Variants in TTLL11 observed in about 807,000 individuals in gnomAD.
The protein encoded by TTLL11 is tubulin polyglutamylase TTLL11.
TTLL11 carries 42 observed loss-of-function variants against 51.7 expected under a neutral mutation model. The ratio of observed to expected loss-of-function variants is 0.81; its 90% CI spans 0.64 to 1.05. The LOEUF is 1.05. TTLL11 is among the 50% of genes least tolerant of loss of function. TTLL11 has a pLI of 0.00. For synonymous variants in TTLL11, 381 were observed against 383.5 expected, an observed-to-expected ratio of 0.99 and a Z score of 0.08; for missense variants, 799 against 940.4, an observed-to-expected ratio of 0.85 and a Z score of 1.97.
At chr9:122,047,358 T>C (rs572066964) in intron 1 of TTLL11, among the ~76,000 whole-genome samples, 15 of 152,242 alleles carry the variant, frequency 9.9e-5, no homozygotes, top group Admixed American at 7.2e-4. Flanking sequence ...AGAAAATAAA[T>C]GTGTAAAAGC....
chr9:121,977,407 G>C (rs1311818648), intron 4 of TTLL11, among the ~76,000 whole-genome samples: 1 of 152,144 alleles, frequency 6.6e-6, no homozygotes, highest in East Asian at 1.9e-4. Context: ...GCAATACCTA[G>C]GCCTATGCTC....
chr9:121,830,878 A>T (rs1350739372), intron 8 of TTLL11, among the ~76,000 whole-genome samples: 1 of 152,224 alleles, frequency 6.6e-6, no homozygotes, highest in Non-Finnish European at 1.5e-5. Context: ...TCCTGAAGTG[A>T]CATGTCACTG....
chr9:121,997,607 GTTC>G (rs1184246911), intron 3 of TTLL11, among the ~76,000 whole-genome samples: 65 of 152,294 alleles, frequency 4.3e-4, no homozygotes, highest in African/African-American at 1.5e-3. Flanking sequence ...GCAGACCTGG[GTTC>G]AGATCTCAGC....
intron 1 of TTLL11, among the ~76,000 whole-genome samples, chr9:122,053,962 A>T (rs771465537): frequency 3.3e-5 from 5 of 152,184 alleles, no homozygotes; most frequent in Non-Finnish European, 7.3e-5. Flanking sequence ...CCTCTAATAG[A>T]GCCAATAAAT....
Position 121,822,831 on chromosome 9 carries a change from C to T in TTLL11, c.1889G>A (p.Arg630Lys). ...ATGAAGTGGCAGCATCTTGAACTTC[C>T]TCTGAGCCAGGAAAAAGAAAGCTTC... ...FVEAFFFLAQ[R>K]KFKMLPLHEQ... Residue 630 changes from arginine (R) to lysine (K), a missense_variant, in exon 9 of 9, where the codon AGG becomes AAG. Arg to Lys is a conservative substitution (Grantham distance 26, BLOSUM62 2). Coordinates refer to ENST00000321582, the MANE Select transcript of TTLL11 (RefSeq NM_001139442.2). The surrounding 1 kb of genome is among the most constrained non-coding windows in gnomAD (Gnocchi z 5.8). 1.3e-6 allele frequency: 2 copies of T among 1,551,578 alleles called. No individual in the cohort carries two copies. Among genetic ancestry groups the T allele is most frequent in the African/African-American group, 2.7e-5 (2 of 73,162 alleles).
At chr9:121,865,960 A>G (rs1838161993) in intron 7 of TTLL11, among the ~76,000 whole-genome samples, 1 of 152,240 alleles carries the variant, frequency 6.6e-6, no homozygotes, top group Admixed American at 6.5e-5. Context: ...AGAGATGGAC[A>G]CTGGAAATAA....
intron 2 of TTLL11, among the ~76,000 whole-genome samples, chr9:122,036,758 A>G (rs1186257012): frequency 6.6e-6 from 1 of 152,180 alleles, no homozygotes; most frequent in African/African-American, 2.4e-5. Flanking sequence ...AATGAGATAT[A>G]TGAGAGACAG....
intron 2 of TTLL11, among the ~76,000 whole-genome samples, chr9:122,038,437 G>T (rs1229009099): frequency 6.6e-6 from 1 of 152,052 alleles, no homozygotes; most frequent in Non-Finnish European, 1.5e-5. Flanking sequence ...TTGAGGTCAG[G>T]AGTTCGAGAC....
chr9:122,080,935 T>A (rs1047619695), intron 1 of TTLL11, among the ~76,000 whole-genome samples: 7 of 152,164 alleles, frequency 4.6e-5, no homozygotes, highest in African/African-American at 1.7e-4. Flanking sequence ...TAAAATTGTA[T>A]CAGATTTGTA....
At chr9:122,006,087 C>A (rs1843633971) in intron 3 of TTLL11, among the ~76,000 whole-genome samples, 1 of 152,192 alleles carries the variant, frequency 6.6e-6, no homozygotes, top group Non-Finnish European at 1.5e-5. Context: ...CGCCTGTAAT[C>A]CCAGCACTTT....
At chr9:121,994,252 G>C (rs908448134) in intron 3 of TTLL11, among the ~76,000 whole-genome samples, 1 of 152,096 alleles carries the variant, frequency 6.6e-6, no homozygotes, top group African/African-American at 2.4e-5. Context: ...AGGCAGGAGC[G>C]GGCAGGACAC....
rs1374982958 is a variant in TTLL11, at chr9:121,821,483, T to C, written c.*1104A>G. Among the ~76,000 whole-genome samples, 2 of 152,176 alleles carry C rather than the reference T, an allele frequency of 1.3e-5. No homozygotes were observed. Among genetic ancestry groups the C allele is most frequent in the African/African-American group, 4.8e-5 (2 of 41,440 alleles). Reference sequence around the variant, plus strand: ...ATTAACCCCAAATCCAACCACACTCTGGAGAGCTTGGCTTTGCCAGGTCCT... The same window carrying C: ...ATTAACCCCAAATCCAACCACACTCCGGAGAGCTTGGCTTTGCCAGGTCCT... On this transcript the variant is annotated 3_prime_UTR_variant, in exon 9 of 9. Transcript: ENST00000321582. This position sits in a 1 kb window ranked among gnomAD's most constrained non-coding sequence, Gnocchi z 5.0.
intron 1 of TTLL11, among the ~76,000 whole-genome samples, chr9:122,049,469 T>C (rs1255262853): frequency 2.0e-5 from 3 of 152,142 alleles, no homozygotes; most frequent in South Asian, 4.1e-4. Flanking sequence ...GCACTACAGA[T>C]GTCTTTTTGG....
chr9:121,924,704 G>GAA (rs375808071), intron 6 of TTLL11, among the ~76,000 whole-genome samples: 190 of 134,624 alleles, frequency 1.4e-3, no homozygotes, highest in African/African-American at 4.8e-3. Context: ...AAAGAGGAAA[G>GAA]AAAAAAAAAA....
chr9:121,894,451 T>A (rs12335377), intron 6 of TTLL11, among the ~76,000 whole-genome samples: 56,317 of 152,042 alleles, frequency 0.37, 10,539 homozygotes, highest in East Asian at 0.51. Flanking sequence ...ACACCACATA[T>A]GTTTATTGCA....
intron 6 of TTLL11, among the ~76,000 whole-genome samples, chr9:121,972,921 G>C (rs1033594850): frequency 6.6e-6 from 1 of 152,228 alleles, no homozygotes; most frequent in Non-Finnish European, 1.5e-5. Context: ...ACTTGCTTGG[G>C]GAAGTCTGCA....
At chr9:121,957,100 C>T (rs542419067) in intron 6 of TTLL11, among the ~76,000 whole-genome samples, 3 of 152,324 alleles carry the variant, frequency 2.0e-5, no homozygotes, top group Non-Finnish European at 2.9e-5. Context: ...GTTCTATCCT[C>T]GACTCCATGG....
In TTLL11 at chr9:122,021,962, A is replaced by T. The variant is rs117333776; in HGVS notation, c.693+9761T>A. Among the ~76,000 whole-genome samples the T allele has an allele frequency of 6.4e-4, 97 of 152,332 alleles. 1 individual carries two copies. In the East Asian group the frequency reaches 0.018, roughly 28 times the overall value. On this transcript the variant is annotated intron_variant, in intron 3 of 8. Coordinates refer to ENST00000321582, the MANE Select transcript of TTLL11 (RefSeq NM_001139442.2). ...TTAAGTAGAAATATGGAAGATAGTT[A>T]AAAAGACTCAACTCTCATGTTTAGA...
chr9:121,851,331 C>T (rs566088764), intron 8 of TTLL11, among the ~76,000 whole-genome samples: 58 of 152,220 alleles, frequency 3.8e-4, no homozygotes, highest in South Asian at 1.5e-3. Flanking sequence ...AGACTTGAGT[C>T]GATCATAATA....
Sources: gnomAD v4.1 joint callset for allele counts (sites outside exome capture counted in the v4.1 genomes callset) on GRCh38, gnomAD v4.1.1 for gene constraint, Gnocchi (gnomAD v3.1) non-coding constraint, MANE v1.5 for transcripts, NCBI Gene and HGNC (gene_info 2026-07-23, HGNC 2026-07-21) for gene names.